The following IRF2BPL variants were observed in gnomAD, a reference collection of about 807,000 sequenced individuals.
IRF2BPL encodes probable E3 ubiquitin-protein ligase IRF2BPL.
In IRF2BPL, 13 loss-of-function variants were observed where a neutral mutation model predicts 51.2. That is an observed-to-expected ratio of 0.25 (90% CI 0.17 to 0.40). The LOEUF is 0.40. IRF2BPL is among the 10% of genes least tolerant of loss of function. The probability of loss-of-function intolerance (pLI) is 1.00; values close to 1 mark genes in which losing one functional copy is unlikely to be tolerated. For synonymous variants in IRF2BPL, 768 were observed against 509.2 expected, an observed-to-expected ratio of 1.51 and a Z score of -6.84; for missense variants, 1,210 against 1,111.8, an observed-to-expected ratio of 1.09 and a Z score of -1.26.
At position 77,026,302 on chromosome 14, in the gene IRF2BPL, C is replaced by T. The variant is rs1404631200; in HGVS notation, c.1491G>A (p.Gln497=). The stretch of plus-strand genomic sequence containing the variant: ...TGGGACAGCTGGCGTCCAGGTAGGG[C>T]TGGGGCAGCATGTCGGCGCCGGGCA... The part of the protein sequence containing the change: ...EGVPGADMLP[Q]PYLDASCPML... Residue 497 remains glutamine (Q), a synonymous_variant, in exon 1 of 1, where the codon CAG becomes CAA. Coordinates refer to ENST00000238647, the MANE Select transcript of IRF2BPL (RefSeq NM_024496.4). 6.5e-7 allele frequency: 1 copy of T among 1,543,868 alleles called. No homozygotes were observed. Among genetic ancestry groups the T allele is most frequent in the East Asian group, 2.4e-5 (1 of 42,516 alleles).
chr14:77,027,847 C>T lies in IRF2BPL; in HGVS notation c.-55G>A, dbSNP rs1328978849. ...GCCCGGGCTGTCTCCGCGGCGCCTT[C>T]TCCTCCGGGAGGACTGGCCGGCTGG... On this transcript the variant is annotated 5_prime_UTR_variant, in exon 1 of 1. Transcript: ENST00000238647. The T allele has an allele frequency of 6.9e-7, 1 of 1,445,738 alleles. No individual in the cohort carries two copies. The highest frequency in any genetic ancestry group is 2.8e-5 in the East Asian group (1 of 36,340). The allele number at this position is 1,445,738 out of a possible 1,614,324, so 89.6% of individuals were successfully genotyped here.
Position 77,026,168 on chromosome 14 carries a change from C to T in IRF2BPL, c.1625G>A (p.Arg542His). The T allele has an allele frequency of 1.4e-6, 2 of 1,458,298 alleles. No homozygotes were observed. Among genetic ancestry groups the T allele is most frequent in the Non-Finnish European group, 1.8e-6 (2 of 1,115,926 alleles). The allele number at this position is 1,458,298 out of a possible 1,614,324, so 90.3% of individuals were successfully genotyped here. ...GGGCTCCGGAGAGGCCTTTCTCTTGCGCAGGCTGGCGGCTGCGCCCCGGCC... is the reference window on the plus strand; with the variant it reads ...GGGCTCCGGAGAGGCCTTTCTCTTGTGCAGGCTGGCGGCTGCGCCCCGGCC... ...PSGRGAAASL[R>H]KRKASPEPPD... The change falls in exon 1 of 1, where the codon CGC (arginine) becomes CAC (histidine). Residue 542 changes from arginine (R) to histidine (H), a missense_variant. Physicochemically the swap from Arg to His is conservative, Grantham distance 29. Coordinates refer to ENST00000238647, the MANE Select transcript of IRF2BPL (RefSeq NM_024496.4).
chr14:77,025,858 G>A lies in IRF2BPL; in HGVS notation c.1935C>T (p.Ser645=), dbSNP rs778904361. ...GTAHSPKDGS[S]VHSTTASARR... is the part of the protein sequence containing the mutation. ...GCGCCGACGCAGTGGTAGAGTGCACGGAACTGCCATCCTTGGGCGAGTGCG... is the reference window on the plus strand; with the variant it reads ...GCGCCGACGCAGTGGTAGAGTGCACAGAACTGCCATCCTTGGGCGAGTGCG... The change falls in exon 1 of 1, where the codon TCC becomes TCT. Residue 645 remains serine (S), a synonymous_variant. Transcript: ENST00000238647. The A allele has an allele frequency of 5.6e-6, 9 of 1,612,570 alleles. No individual in the cohort carries two copies. Among genetic ancestry groups the A allele is most frequent in the Admixed American group, 5.0e-5 (3 of 59,972 alleles).
chr14:77,025,629 A>G lies in IRF2BPL; in HGVS notation c.2164T>C (p.Leu722=), dbSNP rs752029258. The change falls in exon 1 of 1, where the codon TTG becomes CTG. Residue 722 remains leucine (L), a synonymous_variant. Coordinates refer to ENST00000238647, the MANE Select transcript of IRF2BPL (RefSeq NM_024496.4). ...PLCCTICHER[L]EDTHFVQCPS... Reference sequence around the variant, plus strand: ...CACTGAACGAAATGCGTATCCTCCAAACGTTCGTGGCAAATGGTGCAGCAG... The same window carrying G: ...CACTGAACGAAATGCGTATCCTCCAGACGTTCGTGGCAAATGGTGCAGCAG... The G allele has an allele frequency of 1.9e-6, 3 of 1,579,428 alleles. No homozygotes were observed. Among genetic ancestry groups the G allele is most frequent in the South Asian group, 1.2e-5 (1 of 86,712 alleles).
Position 77,025,792 on chromosome 14 carries a change from C to T in IRF2BPL, c.2001G>A (p.Pro667=), listed in dbSNP as rs768817319. The part of the protein sequence containing the change: ...SSSPVSPASV[P]GQRRLASRNG... ...TACGTGATGCCAAGCGGCGCTGCCC[C>T]GGCACGGAGGCCGGCGAGACTGGGC... Residue 667 remains proline, a synonymous_variant, in exon 1 of 1, where the codon CCG becomes CCA. Transcript: ENST00000238647. 1.2e-6 allele frequency: 2 copies of T among 1,611,096 alleles called. No homozygotes were observed. Among genetic ancestry groups the T allele is most frequent in the African/African-American group, 1.3e-5 (1 of 75,016 alleles).
rs1390584033 is a variant in IRF2BPL at position 77,024,916 on chromosome 14, T to TA, written c.*485_*486insT. The TA allele has an allele frequency of 1.2e-3, 4 of 3,326 alleles. No individual in the cohort carries two copies. Among genetic ancestry groups the TA allele is most frequent in the African/African-American group, 2.5e-3 (4 of 1,590 alleles). 0.2% of individuals were successfully genotyped at this position (3,326 alleles called of 1,614,324 possible). The stretch of plus-strand genomic sequence containing the variant: ...GGAAGCTTTCACCATTTTATAGCAT[T>TA]TTTTTTTTTTTTTTTTTTTTTTTTT... On this transcript the variant is annotated 3_prime_UTR_variant, in exon 1 of 1. Coordinates refer to ENST00000238647, the MANE Select transcript of IRF2BPL (RefSeq NM_024496.4).
chr14:77,026,067 C>G lies in IRF2BPL; in HGVS notation c.1726G>C (p.Ala576Pro). The change falls in exon 1 of 1, where the codon GCG becomes CCG. Residue 576 changes from alanine to proline, a missense_variant. Physicochemically the swap from Ala to Pro is conservative, Grantham distance 27 (BLOSUM62 -1). Coordinates refer to ENST00000238647, the MANE Select transcript of IRF2BPL (RefSeq NM_024496.4). ...CCGGCGGACATGGTGAGCTTCAGCGCCTCGCTCTGGTTCGCCATCCACTGC... is the reference window on the plus strand; with the variant it reads ...CCGGCGGACATGGTGAGCTTCAGCGGCTCGCTCTGGTTCGCCATCCACTGC... ...RQQWMANQSE[A>P]LKLTMSAGGF... 1.9e-6 allele frequency: 3 copies of G among 1,568,952 alleles called. No homozygotes were observed. Among genetic ancestry groups the G allele is most frequent in the Non-Finnish European group, 2.6e-6 (3 of 1,161,466 alleles).
In IRF2BPL at chr14:77,026,833, C is replaced by T. The variant is rs1336562232; in HGVS notation, c.960G>A (p.Val320=). 1.9e-6 allele frequency: 3 copies of T among 1,611,466 alleles called. No individual in the cohort carries two copies. Among genetic ancestry groups the T allele is most frequent in the Non-Finnish European group, 2.5e-6 (3 of 1,179,170 alleles). ...CACCAGCACCCACGCCCACCTCTGC[C>T]ACCGACGAAGAGGTCGAAGACGACG... is the stretch of plus-strand genomic sequence containing the variant. ...SSASSSTSSS[V]AEVGVGAGGK... is the part of the protein sequence containing the mutation. The change falls in exon 1 of 1, where the codon GTG becomes GTA. Residue 320 remains valine, a synonymous_variant. Coordinates refer to ENST00000238647, the MANE Select transcript of IRF2BPL (RefSeq NM_024496.4).
In IRF2BPL at chr14:77,027,499, GGCGGCCGCCGC is replaced by G; in HGVS notation, c.283_293del (p.Ala95ArgfsTer34). ...GCTGTTGCTGTTGCGCGGCGGCGGCGGCGGCCGCCGCTGCTGCCGCCGCCGCCGCCGCTTCC... is the reference window on the plus strand; with the variant it reads ...GCTGTTGCTGTTGCGCGGCGGCGGCGTGCTGCCGCCGCCGCCGCCGCTTCC... On this transcript the variant is annotated frameshift_variant, in exon 1 of 1. Coordinates refer to ENST00000238647, the MANE Select transcript of IRF2BPL (RefSeq NM_024496.4). LOFTEE classifies it high-confidence loss of function. 1 of 636,758 alleles carries G rather than the reference GGCGGCCGCCGC, an allele frequency of 1.6e-6. No individual in the cohort carries two copies. Among genetic ancestry groups the G allele is most frequent in the Non-Finnish European group, 2.0e-6 (1 of 506,236 alleles). The allele number at this position is 636,758 out of a possible 1,614,324, so 39.4% of individuals were successfully genotyped here.
In IRF2BPL at chr14:77,026,299, G is replaced by C. The variant is rs1001341739; in HGVS notation, c.1494C>G (p.Pro498=). ...GVPGADMLPQ[P]YLDASCPMLP... Reference sequence around the variant, plus strand: ...GCATGGGACAGCTGGCGTCCAGGTAGGGCTGGGGCAGCATGTCGGCGCCGG... The same window carrying C: ...GCATGGGACAGCTGGCGTCCAGGTACGGCTGGGGCAGCATGTCGGCGCCGG... The change falls in exon 1 of 1, where the codon CCC becomes CCG. Residue 498 remains proline (P), a synonymous_variant. Coordinates refer to ENST00000238647, the MANE Select transcript of IRF2BPL (RefSeq NM_024496.4). The C allele has an allele frequency of 1.1e-5, 17 of 1,537,498 alleles. No homozygotes were observed. Among genetic ancestry groups the C allele is most frequent in the Admixed American group, 4.1e-5 (2 of 49,368 alleles).
rs1210023424 is a variant in IRF2BPL at position 77,025,890 on chromosome 14, C to T, written c.1903G>A (p.Gly635Ser). 1.2e-6 allele frequency: 2 copies of T among 1,612,272 alleles called. No individual in the cohort carries two copies. The highest frequency in any genetic ancestry group is 4.5e-5 in the East Asian group (2 of 44,830). Reference sequence around the variant, plus strand: ...CCATCCTTGGGCGAGTGCGCTGTGCCCAGAGTATCTGCCACCGACATGAGA... The same window carrying T: ...CCATCCTTGGGCGAGTGCGCTGTGCTCAGAGTATCTGCCACCGACATGAGA... ...AALMSVADTL[G>S]TAHSPKDGSS... The change falls in exon 1 of 1, where the codon GGC (glycine) becomes AGC (serine). Residue 635 changes from glycine (G) to serine (S), a missense_variant. Transcript: ENST00000238647.
In IRF2BPL at chr14:77,025,320, G is replaced by A; in HGVS notation, c.*82C>T. The A allele has an allele frequency of 1.0e-6, 1 of 961,958 alleles. No individual in the cohort carries two copies. The highest frequency in any genetic ancestry group is 2.7e-5 in the Admixed American group (1 of 36,760). The allele number at this position is 961,958 out of a possible 1,614,324, so 59.6% of individuals were successfully genotyped here. On this transcript the variant is annotated 3_prime_UTR_variant, in exon 1 of 1. Transcript: ENST00000238647. ...TCTACACCTTGGGGGTGAGGGGAGG[G>A]AGGGTCGAGTTGGGTTGGGGGAGGG...
At position 77,026,115 on chromosome 14, in the gene IRF2BPL, G is replaced by A. The variant is rs763299319; in HGVS notation, c.1678C>T (p.Leu560=). Reference sequence around the variant, plus strand: ...TGCTGCCTCTGCTGTTCCTCGCCCAGCTTCAGCGCGCCCTCGGCTGAGTCC... The same window carrying A: ...TGCTGCCTCTGCTGTTCCTCGCCCAACTTCAGCGCGCCCTCGGCTGAGTCC... The part of the protein sequence containing the change: ...PPDSAEGALK[L]GEEQQRQQWM... Residue 560 remains leucine, a synonymous_variant, in exon 1 of 1, where the codon CTG becomes TTG. Transcript: ENST00000238647. The A allele has an allele frequency of 1.3e-6, 2 of 1,570,746 alleles. No homozygotes were observed. The highest frequency in any genetic ancestry group is 1.8e-5 in the Admixed American group (1 of 55,816).
In IRF2BPL at chr14:77,027,503, G is replaced by A. The variant is rs1298866247; in HGVS notation, c.290C>T (p.Ala97Val). 24 of 670,474 alleles carry A rather than the reference G, an allele frequency of 3.6e-5. No homozygotes were observed. Among genetic ancestry groups the A allele is most frequent in the Non-Finnish European group, 4.3e-5 (23 of 534,110 alleles). 41.5% of individuals were successfully genotyped at this position (670,474 alleles called of 1,614,324 possible). A position where few individuals can be genotyped will look rare whatever the true frequency, so the allele number is the denominator to read the frequency against. ...EAAAAAAAAA[A>V]AAAAAQQQQQ... ...TTGCTGTTGCGCGGCGGCGGCGGCGGCCGCCGCTGCTGCCGCCGCCGCCGC... is the reference window on the plus strand; with the variant it reads ...TTGCTGTTGCGCGGCGGCGGCGGCGACCGCCGCTGCTGCCGCCGCCGCCGC... The change falls in exon 1 of 1, where the codon GCC (alanine) becomes GTC (valine). Residue 97 changes from alanine to valine, a missense_variant. Ala to Val is a moderately conservative substitution (Grantham distance 64). Coordinates refer to ENST00000238647, the MANE Select transcript of IRF2BPL (RefSeq NM_024496.4).
Position 77,026,704 on chromosome 14 carries a change from G to A in IRF2BPL, c.1089C>T (p.Asn363=), listed in dbSNP as rs559419903. The A allele has an allele frequency of 3.1e-6, 5 of 1,612,736 alleles. No homozygotes were observed. The South Asian group carries it at 4.4e-5, about 14-fold the overall frequency. ...GCTTGCTGGCCCACTCCTCGGCGCG[G>A]TTGCGCAGGCTCTCGCTCAGCTCGG... ...ALAELSESLR[N]RAEEWASKPK... is the part of the protein sequence containing the mutation. The change falls in exon 1 of 1, where the codon AAC becomes AAT. Residue 363 remains asparagine (N), a synonymous_variant. Transcript: ENST00000238647.
rs1885240606 is a variant in IRF2BPL, at chr14:77,028,564, G to A, written c.-772C>T. 2 of 378,714 alleles carry A rather than the reference G, an allele frequency of 5.3e-6. No individual in the cohort carries two copies. Among genetic ancestry groups the A allele is most frequent in the African/African-American group, 2.1e-5 (1 of 47,766 alleles). The allele number at this position is 378,714 out of a possible 1,614,324, so 23.5% of individuals were successfully genotyped here. ...GCTGGCGGCGCTCACGTTGGCTGCAGGGCGCTCGCGCGGCGCCTCGGCCCG... is the reference window on the plus strand; with the variant it reads ...GCTGGCGGCGCTCACGTTGGCTGCAAGGCGCTCGCGCGGCGCCTCGGCCCG... On this transcript the variant is annotated 5_prime_UTR_variant, in exon 1 of 1. Transcript: ENST00000238647.
Position 77,027,906 on chromosome 14 carries a change from G to T in IRF2BPL, c.-114C>A. The T allele has an allele frequency of 7.7e-7, 1 of 1,302,270 alleles. No individual in the cohort carries two copies. Among genetic ancestry groups the T allele is most frequent in the Non-Finnish European group, 1.0e-6 (1 of 995,274 alleles). The allele number at this position is 1,302,270 out of a possible 1,614,324, so 80.7% of individuals were successfully genotyped here. A position where few individuals can be genotyped will look rare whatever the true frequency, so the allele number is the denominator to read the frequency against. On this transcript the variant is annotated 5_prime_UTR_variant, in exon 1 of 1. Transcript: ENST00000238647. ...TCCGACTGCGGGGGAGGGAGGAGGG[G>T]GGGCGAGAAAGTTCTGCCCCAGGGG...
At position 77,026,602 on chromosome 14, in the gene IRF2BPL, C is replaced by T. The variant is rs762180710; in HGVS notation, c.1191G>A (p.Ser397=). ...CGAAGGCGAAAACGCGGCCCAGCAG[C>T]GAGTGGTCCTTCTTGAAGCGAACCT... ...PYEVRFKKDH[S]LLGRVFAFDA... is the part of the protein sequence containing the mutation. The change falls in exon 1 of 1, where the codon TCG becomes TCA. Residue 397 remains serine (S), a synonymous_variant. Transcript: ENST00000238647. The T allele has an allele frequency of 1.9e-6, 3 of 1,613,832 alleles. No homozygotes were observed. The Admixed American group carries it at 5.0e-5, about 27-fold the overall frequency.
chr14:77,025,027 CAG>C lies in IRF2BPL; in HGVS notation c.*373_*374del, dbSNP rs1365324400. The C allele has an allele frequency of 1.6e-5, 2 of 125,212 alleles. No individual in the cohort carries two copies. The highest frequency in any genetic ancestry group is 2.0e-4 in the Admixed American group (2 of 9,826). 7.8% of individuals were successfully genotyped at this position (125,212 alleles called of 1,614,324 possible). A position where few individuals can be genotyped will look rare whatever the true frequency, so the allele number is the denominator to read the frequency against. On this transcript the variant is annotated 3_prime_UTR_variant, in exon 1 of 1. Coordinates refer to ENST00000238647, the MANE Select transcript of IRF2BPL (RefSeq NM_024496.4). Reference sequence around the variant, plus strand: ...TTTCTTTTGTGTGTGTTTTTCCTTTCAGAGAGTGCATAACATTTACAAAAATA... The same window carrying C: ...TTTCTTTTGTGTGTGTTTTTCCTTTCAGAGTGCATAACATTTACAAAAATA...
Sources: gnomAD v4.1 joint callset for allele counts on GRCh38, gnomAD v4.1.1 for gene constraint, MANE v1.5 for transcripts, NCBI Gene and HGNC (gene_info 2026-07-23, HGNC 2026-07-21) for gene names.